Variants in EGFLAM observed in about 807,000 individuals in gnomAD.
The protein encoded by EGFLAM is pikachurin.
In EGFLAM, 79 loss-of-function variants were observed where a neutral mutation model predicts 113.1. That is an observed-to-expected ratio of 0.70 (90% confidence interval 0.58 to 0.84). The LOEUF is 0.84. Ranked by LOEUF, EGFLAM falls within the 40% of genes least tolerant of loss-of-function variation. The pLI, the probability that EGFLAM is intolerant of heterozygous loss-of-function variation, is 0.00. For missense variants in EGFLAM, 1,265 were observed against 1,291.6 expected (o/e 0.98, Z 0.32); for synonymous variants, 504 against 487.6 (o/e 1.03, Z -0.44).
chr5:38,330,463 A>G (rs770134839), intron 1 of EGFLAM, among the ~76,000 whole-genome samples: 1 of 152,208 alleles, frequency 6.6e-6, no homozygotes, highest in Non-Finnish European at 1.5e-5. Flanking sequence ...TCATCACTAT[A>G]GCATTCTCTC....
chr5:38,291,084 A>G (rs553616039), intron 1 of EGFLAM: 1 of 118,644 alleles, frequency 8.4e-6, no homozygotes, highest in Non-Finnish European at 1.8e-5. Context: ...TCCGTCTCCA[A>G]AAAAAACAAA....
chr5:38,319,737 G>T (rs1230681474), intron 1 of EGFLAM, among the ~76,000 whole-genome samples: 1 of 152,200 alleles, frequency 6.6e-6, no homozygotes, highest in Non-Finnish European at 1.5e-5. Flanking sequence ...TATCCAGTTA[G>T]ATATGCAGAG....
intron 1 of EGFLAM, among the ~76,000 whole-genome samples, chr5:38,310,777 G>A (rs937660492): frequency 7.2e-5 from 11 of 152,066 alleles, no homozygotes; most frequent in South Asian, 2.1e-4. Context: ...TTCTTGTTTC[G>A]CAGGCACTTG....
In EGFLAM at chr5:38,412,538, A is replaced by C. The variant is rs1192350459; in HGVS notation, c.1384A>C (p.Ser462Arg). The change falls in exon 11 of 22, where the codon AGT (serine) becomes CGT (arginine). Residue 462 changes from serine to arginine, a missense_variant. Physicochemically the swap from Ser to Arg is moderately radical, Grantham distance 110. Transcript: ENST00000322350. ...NCGTGVAIIV[S>R]ETKIKLGGWH... Reference sequence around the variant, plus strand: ...TGGAACTGGGGTTGCCATCATCGTAAGTGAGACCAAAATCAAACTAGGGGG... The same window carrying C: ...TGGAACTGGGGTTGCCATCATCGTACGTGAGACCAAAATCAAACTAGGGGG... The C allele has an allele frequency of 6.2e-7, 1 of 1,614,018 alleles. No individual in the cohort carries two copies. The highest frequency in any genetic ancestry group is 8.5e-7 in the Non-Finnish European group (1 of 1,180,022).
intron 1 of EGFLAM, among the ~76,000 whole-genome samples, chr5:38,297,567 T>C (rs1758476702): frequency 6.6e-6 from 1 of 152,208 alleles, no homozygotes; most frequent in Non-Finnish European, 1.5e-5. Flanking sequence ...GGAATTTTTC[T>C]AAAGCCTAGG....
At chr5:38,265,903 T>A (rs35559057) in intron 1 of EGFLAM, among the ~76,000 whole-genome samples, 12,113 of 152,076 alleles carry the variant, frequency 0.08, 536 homozygotes, top group Non-Finnish European at 0.1. Flanking sequence ...CAAAAGAGAG[T>A]TTGGACTCTC....
intron 1 of EGFLAM, among the ~76,000 whole-genome samples, chr5:38,275,851 G>A (rs886328884): frequency 1.3e-5 from 2 of 152,140 alleles, no homozygotes; most frequent in Non-Finnish European, 2.9e-5. Flanking sequence ...TAAGGAGATT[G>A]AAATTATGTT....
intron 1 of EGFLAM, among the ~76,000 whole-genome samples, chr5:38,314,282 T>C (rs1426592304): frequency 2.0e-5 from 3 of 152,244 alleles, no homozygotes; most frequent in African/African-American, 7.2e-5. Flanking sequence ...TTTTTTATCA[T>C]AAATTAAGTT....
At chr5:38,310,257 A>G (rs1036677520) in intron 1 of EGFLAM, among the ~76,000 whole-genome samples, 1 of 152,196 alleles carries the variant, frequency 6.6e-6, no homozygotes, top group Non-Finnish European at 1.5e-5. Flanking sequence ...TCTTCAGATT[A>G]GGAAAGTGGT....
chr5:38,266,400 A>G (rs1028683660), intron 1 of EGFLAM, among the ~76,000 whole-genome samples: 8 of 152,258 alleles, frequency 5.3e-5, no homozygotes, highest in Non-Finnish European at 8.8e-5. Context: ...GGAAGATCCA[A>G]TACAGTAATG....
At chr5:38,317,984 G>T (rs1738644314) in intron 1 of EGFLAM, among the ~76,000 whole-genome samples, 1 of 152,136 alleles carries the variant, frequency 6.6e-6, no homozygotes. Flanking sequence ...GAGAAAGAAG[G>T]AAAGGTGTTC....
chr5:38,338,120 G>A (rs9292704), intron 2 of EGFLAM, among the ~76,000 whole-genome samples: 2,647 of 152,282 alleles, frequency 0.017, 86 homozygotes, highest in African/African-American at 0.061. Flanking sequence ...TTAGAAATGA[G>A]TCAACTTTGA....
chr5:38,444,016 C>T (rs1297380700), intron 17 of EGFLAM, among the ~76,000 whole-genome samples: 1 of 152,082 alleles, frequency 6.6e-6, no homozygotes, highest in Non-Finnish European at 1.5e-5. Context: ...GGTGATCCAC[C>T]CGCCTGGACC....
intron 6 of EGFLAM, among the ~76,000 whole-genome samples, chr5:38,386,519 ATTTTTT>A (rs1740667023): frequency 6.8e-6 from 1 of 147,294 alleles, no homozygotes; most frequent in Non-Finnish European, 1.5e-5. Context: ...TTTTATTTTT[ATTTTTT>A]AAGAAGGAGT....
At chr5:38,389,554 T>C (rs1226485786) in intron 6 of EGFLAM, among the ~76,000 whole-genome samples, 5 of 152,190 alleles carry the variant, frequency 3.3e-5, no homozygotes, top group African/African-American at 7.2e-5. Context: ...TTTTTCTTTA[T>C]ACTATAAAAA....
chr5:38,333,916 GTTTTTTTT>G (rs70978880), intron 1 of EGFLAM, among the ~76,000 whole-genome samples: 2 of 29,276 alleles, frequency 6.8e-5, no homozygotes, highest in African/African-American at 3.2e-4. Context: ...ATTGTTGAGG[GTTTTTTTT>G]TTTTTTTTTT....
intron 1 of EGFLAM, among the ~76,000 whole-genome samples, chr5:38,337,310 AT>A (rs1314619970): frequency 6.6e-6 from 1 of 152,190 alleles, no homozygotes; most frequent in East Asian, 1.9e-4. Flanking sequence ...AGTTGGACTG[AT>A]TTATCTACTG....
At chr5:38,297,246 G>T (rs1758470839) in intron 1 of EGFLAM, among the ~76,000 whole-genome samples, 2 of 152,186 alleles carry the variant, frequency 1.3e-5, no homozygotes, top group East Asian at 3.9e-4. Context: ...GGATATAAAG[G>T]AACTCTATAC....
intron 6 of EGFLAM, among the ~76,000 whole-genome samples, chr5:38,382,277 C>A (rs1198315772): frequency 1.3e-5 from 2 of 151,942 alleles, no homozygotes; most frequent in East Asian, 3.9e-4. Context: ...TTCTGTACAA[C>A]AAAATACTTT....
Sources: allele counts gnomAD v4.1 joint callset (sites outside exome capture counted in the v4.1 genomes callset), GRCh38; gene constraint gnomAD v4.1.1; transcripts MANE v1.5; gene names NCBI Gene and HGNC (gene_info 2026-07-23, HGNC 2026-07-21).